SDCCAG8: variants seen among roughly 807,000 people sequenced by gnomAD.
The protein encoded by SDCCAG8 is serologically defined colon cancer antigen 8.
Under a neutral mutation model 101.8 loss-of-function variants are expected in SDCCAG8, and 74 were observed. That is an observed-to-expected ratio of 0.73 (90% confidence interval 0.60 to 0.88). SDCCAG8 has a LOEUF of 0.88. Among genes scored for constraint, SDCCAG8 ranks in the 40% least tolerant of loss-of-function variants. SDCCAG8 has a pLI of 0.00. For synonymous variants in SDCCAG8, 281 were observed against 292.9 expected, an observed-to-expected ratio of 0.96 and a Z score of 0.41; for missense variants, 787 against 822.6, an observed-to-expected ratio of 0.96 and a Z score of 0.53.
At chr1:243,398,962 A>G (rs1379933220) in intron 13 of SDCCAG8, among the ~76,000 whole-genome samples, 1 of 152,260 alleles carries the variant, frequency 6.6e-6, no homozygotes, top group Non-Finnish European at 1.5e-5. Context: ...TGCACTAGGC[A>G]CTATGTAAAT....
At chr1:243,373,616 A>G (rs1320888206) in intron 12 of SDCCAG8, among the ~76,000 whole-genome samples, 97 of 152,098 alleles carry the variant, frequency 6.4e-4, no homozygotes. Flanking sequence ...TACCCAGTGC[A>G]TACACTTCTC....
intron 16 of SDCCAG8, among the ~76,000 whole-genome samples, chr1:243,469,981 C>T (rs1271327808): frequency 6.6e-6 from 1 of 150,414 alleles, no homozygotes; most frequent in Non-Finnish European, 1.5e-5. Context: ...CTCCCCTTTC[C>T]ACCCTTCTTT....
At chr1:243,497,963 T>C (rs1268944920) in intron 17 of SDCCAG8, among the ~76,000 whole-genome samples, 2 of 152,196 alleles carry the variant, frequency 1.3e-5, no homozygotes, top group East Asian at 1.9e-4. Context: ...ATTACAGGTG[T>C]GAGCCACTGT....
rs527785150 is a variant in SDCCAG8 at position 243,330,696 on chromosome 1, C to G, written c.1221+4C>G. On this transcript the variant is annotated splice_donor_region_variant and intron_variant, in intron 10 of 17. Transcript: ENST00000366541. Reference sequence around the variant, plus strand: ...AAGGGAGTACATGGGATCAAAGGTACTTAAGGACTCTGCTGTTATCCACAT... The same window carrying G: ...AAGGGAGTACATGGGATCAAAGGTAGTTAAGGACTCTGCTGTTATCCACAT... The G allele has an allele frequency of 6.8e-6, 11 of 1,614,014 alleles. No individual in the cohort carries two copies. The South Asian group carries it at 1.1e-4, about 16-fold the overall frequency.
chr1:243,275,767 A>G (rs2068494751), intron 4 of SDCCAG8, among the ~76,000 whole-genome samples: 1 of 151,074 alleles, frequency 6.6e-6, no homozygotes. Flanking sequence ...ACTTTTTGGT[A>G]TAAGCTATAA....
intron 6 of SDCCAG8, among the ~76,000 whole-genome samples, chr1:243,300,535 A>G (rs993455517): frequency 3.2e-4 from 49 of 152,294 alleles, no homozygotes; most frequent in Non-Finnish European, 6.3e-4. Flanking sequence ...CATGTGTACC[A>G]AATAAAAGTC....
intron 12 of SDCCAG8, among the ~76,000 whole-genome samples, chr1:243,352,946 A>G (rs1050413795): frequency 2.0e-5 from 3 of 152,202 alleles, no homozygotes; most frequent in Non-Finnish European, 2.9e-5. Context: ...AAATGATAGT[A>G]AGTTAGATTT....
intron 13 of SDCCAG8, among the ~76,000 whole-genome samples, chr1:243,414,315 C>G (rs1303297454): frequency 1.3e-5 from 2 of 151,928 alleles, no homozygotes; most frequent in Admixed American, 6.6e-5. Flanking sequence ...TGATCCATGG[C>G]CAGAAAATAC....
chr1:243,326,585 T>C (rs935989961), intron 9 of SDCCAG8, among the ~76,000 whole-genome samples: 1 of 152,252 alleles, frequency 6.6e-6, no homozygotes, highest in Non-Finnish European at 1.5e-5. Context: ...CAAGGGTTTA[T>C]AAATTAAAAT....
intron 16 of SDCCAG8, among the ~76,000 whole-genome samples, chr1:243,430,825 G>A (rs2081697588): frequency 6.6e-6 from 1 of 152,180 alleles, no homozygotes. Flanking sequence ...TAGAGGAGAT[G>A]TGATCAGATT....
chr1:243,418,329 G>C (rs1224245920), intron 15 of SDCCAG8, among the ~76,000 whole-genome samples: 2 of 152,032 alleles, frequency 1.3e-5, no homozygotes, highest in African/African-American at 4.8e-5. Flanking sequence ...TGAAATTTCA[G>C]GAAAGAAGGA....
intron 16 of SDCCAG8, among the ~76,000 whole-genome samples, chr1:243,479,215 G>T (rs1385397813): frequency 6.6e-6 from 1 of 152,220 alleles, no homozygotes; most frequent in African/African-American, 2.4e-5. Context: ...TGCTGACTAG[G>T]TGTATTGCTA....
At chr1:243,443,124 C>T (rs2082655974) in intron 16 of SDCCAG8, among the ~76,000 whole-genome samples, 2 of 152,018 alleles carry the variant, frequency 1.3e-5, no homozygotes, top group Admixed American at 1.3e-4. Flanking sequence ...TGTAGAGGAG[C>T]TCTATTGTGT....
chr1:243,295,884 A>G (rs958822759), intron 6 of SDCCAG8, among the ~76,000 whole-genome samples: 2 of 152,088 alleles, frequency 1.3e-5, no homozygotes, highest in African/African-American at 4.8e-5. Flanking sequence ...AAAAAGGTCA[A>G]TTTCTGCATT....
intron 13 of SDCCAG8, among the ~76,000 whole-genome samples, chr1:243,382,094 T>A (rs1393462990): frequency 6.6e-6 from 1 of 152,174 alleles, no homozygotes; most frequent in African/African-American, 2.4e-5. Flanking sequence ...ACAGAAACTC[T>A]ACTATCAGAT....
intron 12 of SDCCAG8, among the ~76,000 whole-genome samples, chr1:243,352,166 A>T (rs996560020): frequency 6.6e-6 from 1 of 152,264 alleles, no homozygotes; most frequent in South Asian, 2.1e-4. Context: ...GTATAAGCAG[A>T]GACAACACAT....
At chr1:243,481,899 C>A (rs184373500) in intron 16 of SDCCAG8, among the ~76,000 whole-genome samples, 6 of 152,338 alleles carry the variant, frequency 3.9e-5, no homozygotes, top group African/African-American at 1.4e-4. Flanking sequence ...GAAAAACATA[C>A]ACGCATAAGG....
intron 13 of SDCCAG8, among the ~76,000 whole-genome samples, chr1:243,388,019 A>G (rs551126413): frequency 1.3e-5 from 2 of 152,226 alleles, no homozygotes; most frequent in South Asian, 4.1e-4. Flanking sequence ...CCCGGCCTCT[A>G]GTACAGATAT....
intron 17 of SDCCAG8, among the ~76,000 whole-genome samples, chr1:243,492,496 G>A (rs1666741997): frequency 1.3e-5 from 2 of 150,534 alleles, no homozygotes; most frequent in African/African-American, 4.9e-5. Context: ...TAGAAACGGG[G>A]TTTCGCCATG....
Sources: gnomAD v4.1 joint callset for allele counts (sites outside exome capture counted in the v4.1 genomes callset) on GRCh38, gnomAD v4.1.1 for gene constraint, MANE v1.5 for transcripts, NCBI Gene and HGNC (gene_info 2026-07-23, HGNC 2026-07-21) for gene names.